Variants in LRRC4C observed in about 807,000 individuals in gnomAD.
LRRC4C encodes leucine rich repeat containing 4C.
A neutral mutation model predicts 33.6 loss-of-function variants in LRRC4C; 5 were observed. That is an observed-to-expected ratio of 0.15 (90% CI 0.08 to 0.31). The LOEUF (loss-of-function observed/expected upper bound fraction) is 0.31, where lower values mean the gene tolerates loss of function less well. Ranked by LOEUF, LRRC4C falls within the 10% of genes least tolerant of loss-of-function variation. The pLI is 1.00. For synonymous variants in LRRC4C, 329 were observed against 302.0 expected, an observed-to-expected ratio of 1.09 and a Z score of -0.93; for missense variants, 560 against 796.7, an observed-to-expected ratio of 0.70 and a Z score of 3.58.
chr11:40,942,779 G>A (rs1386194749), intron 1 of LRRC4C, among the ~76,000 whole-genome samples: 1 of 152,098 alleles, frequency 6.6e-6, no homozygotes, highest in African/African-American at 2.4e-5. Context: ...CATTCCAAGA[G>A]GTAAAGAAAA....
At chr11:40,567,128 A>G (rs922241391) in intron 3 of LRRC4C, among the ~76,000 whole-genome samples, 3 of 152,212 alleles carry the variant, frequency 2.0e-5, no homozygotes, top group Non-Finnish European at 2.9e-5. Flanking sequence ...CTAACTAAAT[A>G]TAAGAGATTA....
chr11:41,103,742 G>C (rs1941336288), intron 1 of LRRC4C, among the ~76,000 whole-genome samples: 1 of 151,924 alleles, frequency 6.6e-6, no homozygotes, highest in Admixed American at 6.6e-5. Context: ...GTATTACAAA[G>C]CTATAGGAAT....
Position 40,819,577 on chromosome 11 carries a change from T to C in LRRC4C, c.-407+114058A>G, listed in dbSNP as rs74524363. ...ACATTGCATGGTTGGGGAAAATATA[T>C]TCCTGACTGAGGCTATACATATATG... is the stretch of plus-strand genomic sequence containing the variant. On this transcript the variant is annotated intron_variant, in intron 2 of 6. Coordinates refer to ENST00000528697, the MANE Select transcript of LRRC4C (RefSeq NM_001258419.2). Among the ~76,000 whole-genome samples the C allele has an allele frequency of 4.6e-3, 700 of 152,242 alleles. 3 individuals carry two copies. The highest frequency in any genetic ancestry group is 0.016 in the African/African-American group (663 of 41,564).
At chr11:40,552,314 C>T (rs938456425) in intron 3 of LRRC4C, among the ~76,000 whole-genome samples, 19 of 152,196 alleles carry the variant, frequency 1.2e-4, no homozygotes, top group Non-Finnish European at 5.9e-5. Flanking sequence ...AAGGAACTGG[C>T]TTGAGGCCAC....
rs1242275793 is a variant in LRRC4C, at chr11:40,115,178, T to G, written c.1115A>C (p.Glu372Ala). The change falls in exon 7 of 7, where the codon GAG (glutamate) becomes GCG (alanine). Residue 372 changes from glutamate (E) to alanine (A), a missense_variant. Coordinates refer to ENST00000528697, the MANE Select transcript of LRRC4C (RefSeq NM_001258419.2). The surrounding 1 kb of genome is among the most constrained non-coding windows in gnomAD (Gnocchi z 6.7). ...GGATGTGGAGGCCCGACATTTCAGC[T>G]CAGCTGCCATGCCTTCAGTGACATT... Reference protein sequence around the residue: ...DLNVTEGMAAELKCRASTSLT... With the variant: ...DLNVTEGMAAALKCRASTSLT... 1.2e-6 allele frequency: 2 copies of G among 1,614,062 alleles called. No individual in the cohort carries two copies. Among genetic ancestry groups the G allele is most frequent in the Admixed American group, 3.3e-5 (2 of 60,002 alleles).
At chr11:40,902,822 C>A (rs1565185477) in intron 2 of LRRC4C, among the ~76,000 whole-genome samples, 1 of 152,078 alleles carries the variant, frequency 6.6e-6, no homozygotes. Flanking sequence ...GAGGAACCTG[C>A]AGAAGAAAAG....
chr11:40,984,534 C>G (rs16935235), intron 1 of LRRC4C, among the ~76,000 whole-genome samples: 2,834 of 152,160 alleles, frequency 0.019, 102 homozygotes, highest in African/African-American at 0.063. Context: ...GGTCCTGTAG[C>G]CATGCAATAG....
chr11:40,135,918 A>C lies in LRRC4C; in HGVS notation c.-43+4883T>G, dbSNP rs189409761. ...ACAATCCACAAAATTAGGTTAAATT[A>C]TGATATAGGTGTCATTCCTGCATTC... is the stretch of plus-strand genomic sequence containing the variant. On this transcript the variant is annotated intron_variant, in intron 6 of 6. Transcript: ENST00000528697. Among the ~76,000 whole-genome samples the C allele has an allele frequency of 7.2e-5, 11 of 152,358 alleles. No homozygotes were observed. The East Asian group carries it at 2.1e-3, about 29-fold the overall frequency.
chr11:40,980,671 T>C (rs1359335008), intron 1 of LRRC4C, among the ~76,000 whole-genome samples: 1 of 152,216 alleles, frequency 6.6e-6, no homozygotes, highest in Non-Finnish European at 1.5e-5. Context: ...TCCCCAACTG[T>C]AAAGAAAACT....
chr11:40,619,204 A>G (rs1045378065), intron 3 of LRRC4C, among the ~76,000 whole-genome samples: 43 of 151,698 alleles, frequency 2.8e-4, no homozygotes, highest in African/African-American at 1.0e-3. Context: ...AATGAATAAG[A>G]CCTACTACTT....
intron 1 of LRRC4C, among the ~76,000 whole-genome samples, chr11:41,245,419 C>T (rs879421929): frequency 3.9e-5 from 6 of 152,206 alleles, no homozygotes; most frequent in Admixed American, 1.3e-4. Flanking sequence ...CCAGGCATCC[C>T]GGCCAAGGCA....
intron 1 of LRRC4C, among the ~76,000 whole-genome samples, chr11:40,987,632 TATATATATATATATATATATCTC>T (rs1565274204): frequency 1.2e-5 from 1 of 82,628 alleles, no homozygotes; most frequent in Non-Finnish European, 2.5e-5. Flanking sequence ...TGGGTAATGA[TATATATATATATATATATATCTC>T]ATATATATGA....
chr11:40,738,656 C>A (rs1434152369), intron 2 of LRRC4C, among the ~76,000 whole-genome samples: 1 of 152,044 alleles, frequency 6.6e-6, no homozygotes, highest in Non-Finnish European at 1.5e-5. Flanking sequence ...TCCCCAAAGT[C>A]TTTTAAAATG....
intron 1 of LRRC4C, among the ~76,000 whole-genome samples, chr11:41,401,566 G>A (rs1954027277): frequency 6.6e-6 from 1 of 151,846 alleles, no homozygotes; most frequent in African/African-American, 2.4e-5. Context: ...CAGTCATGGG[G>A]CGGACAAAGG....
At chr11:40,532,605 G>A (rs1477419246) in intron 3 of LRRC4C, among the ~76,000 whole-genome samples, 3 of 151,472 alleles carry the variant, frequency 2.0e-5, no homozygotes, top group Non-Finnish European at 4.4e-5. Context: ...GTCATGTAAG[G>A]GGTATAAGAT....
chr11:40,317,547 T>C (rs970260670), intron 4 of LRRC4C, among the ~76,000 whole-genome samples: 1 of 152,096 alleles, frequency 6.6e-6, no homozygotes, highest in Non-Finnish European at 1.5e-5. Context: ...AGTTTCTCAA[T>C]GTATGCATTT....
intron 3 of LRRC4C, chr11:40,445,979 T>C (rs1324900413): frequency 6.6e-6 from 1 of 152,222 alleles, no homozygotes; most frequent in Non-Finnish European, 1.5e-5. Context: ...TGAAAGGTTT[T>C]CACACATTCT....
chr11:41,093,303 G>A (rs1940563324), intron 1 of LRRC4C, among the ~76,000 whole-genome samples: 1 of 152,182 alleles, frequency 6.6e-6, no homozygotes, highest in Non-Finnish European at 1.5e-5. Flanking sequence ...CAGCATGTCT[G>A]AATATAACAC....
intron 1 of LRRC4C, among the ~76,000 whole-genome samples, chr11:41,014,467 A>G (rs1047653117): frequency 6.8e-6 from 1 of 147,210 alleles, no homozygotes; most frequent in Admixed American, 6.9e-5. Context: ...ATCACAGTAC[A>G]GATTATTTTT....
Sources: gnomAD v4.1 joint callset for allele counts (sites outside exome capture counted in the v4.1 genomes callset) on GRCh38, gnomAD v4.1.1 for gene constraint, Gnocchi (gnomAD v3.1) non-coding constraint, MANE v1.5 for transcripts, NCBI Gene and HGNC (gene_info 2026-07-23, HGNC 2026-07-21) for gene names.